Variants in SERINC1 observed in about 807,000 individuals in gnomAD.
SERINC1 encodes the protein tumor differentially expressed protein 2.
A neutral mutation model predicts 52.9 loss-of-function variants in SERINC1; 38 were observed. The ratio of observed to expected loss-of-function variants is 0.72; its 90% confidence interval spans 0.55 to 0.94. The LOEUF (loss-of-function observed/expected upper bound fraction) is 0.94, where lower values mean the gene tolerates loss of function less well. Among genes scored for constraint, SERINC1 ranks in the 40% least tolerant of loss-of-function variants. SERINC1 has a pLI of 0.00. For synonymous variants in SERINC1, 198 were observed against 183.1 expected, an observed-to-expected ratio of 1.08 and a Z score of -0.66; for missense variants, 471 against 533.9, an observed-to-expected ratio of 0.88 and a Z score of 1.16.
chr6:122,449,439 G>A (rs142401027), intron 7 of SERINC1, among the ~76,000 whole-genome samples: 14 of 152,322 alleles, frequency 9.2e-5, no homozygotes, highest in Non-Finnish European at 1.5e-4. Flanking sequence ...TTGCTGATAT[G>A]GAGGAGAAAG....
intron 1 of SERINC1, among the ~76,000 whole-genome samples, chr6:122,463,916 T>C (rs1473801177): frequency 2.0e-5 from 3 of 152,228 alleles, no homozygotes; most frequent in Non-Finnish European, 4.4e-5. Flanking sequence ...ATAGCTACTT[T>C]ATTTGTAATC....
intron 1 of SERINC1, among the ~76,000 whole-genome samples, chr6:122,462,458 T>C (rs1454680840): frequency 1.3e-5 from 2 of 151,990 alleles, no homozygotes; most frequent in Non-Finnish European, 2.9e-5. Flanking sequence ...ACTGTCTATA[T>C]AGAAAATCCC....
At chr6:122,455,611 C>A (rs570750974) in intron 3 of SERINC1, among the ~76,000 whole-genome samples, 1 of 152,190 alleles carries the variant, frequency 6.6e-6, no homozygotes, top group South Asian at 2.1e-4. Flanking sequence ...TTATATATAT[C>A]TATCTATCCT....
intron 8 of SERINC1, 35 bp from the exon 9 acceptor site, chr6:122,447,039 A>G (rs1362291161): frequency 2.5e-6 from 4 of 1,581,820 alleles, no homozygotes; most frequent in Non-Finnish European, 3.5e-6. Context: ...AGAGAAAAAA[A>G]AGAACATTTT....
intron 1 of SERINC1, among the ~76,000 whole-genome samples, chr6:122,471,188 T>G (rs1775287342): frequency 6.6e-6 from 1 of 151,480 alleles, no homozygotes; most frequent in African/African-American, 2.4e-5. Context: ...TGCCAGGCGG[T>G]TCCAAATGAC....
At chr6:122,453,724 CTTCAAAG>C in intron 5 of SERINC1, 39 bp downstream of exon 5, 1 of 1,508,214 alleles carries the variant, frequency 6.6e-7, no homozygotes, top group Non-Finnish European at 9.0e-7. Context: ...CTATTCTCGA[CTTCAAAG>C]TTCAACTATA....
chr6:122,459,261 A>T (rs1402817052), intron 1 of SERINC1, among the ~76,000 whole-genome samples: 1 of 152,198 alleles, frequency 6.6e-6, no homozygotes, highest in Non-Finnish European at 1.5e-5. Context: ...TATGCCCCCA[A>T]GGGAACAGAA....
At chr6:122,449,137 G>A (rs1004827692) in intron 7 of SERINC1, among the ~76,000 whole-genome samples, 1 of 151,806 alleles carries the variant, frequency 6.6e-6, no homozygotes, top group Non-Finnish European at 1.5e-5. Flanking sequence ...CCTCTCCTTG[G>A]GCCTATTTCA....
intron 1 of SERINC1, 33 bp downstream of exon 1, chr6:122,471,666 C>G (rs1412904600): frequency 3.1e-6 from 5 of 1,613,976 alleles, no homozygotes; most frequent in African/African-American, 1.3e-5. Context: ...GTCTCTCACA[C>G]TAGCACCCCA....
chr6:122,454,761 T>C (rs1774969056), intron 3 of SERINC1: 1 of 152,556 alleles, frequency 6.6e-6, no homozygotes, highest in South Asian at 2.1e-4. Flanking sequence ...CACGACCTGC[T>C]GAGTTGCTTG....
intron 1 of SERINC1, among the ~76,000 whole-genome samples, chr6:122,469,989 CAATT>C (rs1399374659): frequency 6.6e-6 from 1 of 152,134 alleles, no homozygotes; most frequent in African/African-American, 2.4e-5. Flanking sequence ...TAAAATCAAA[CAATT>C]AATGAATAGA....
intron 1 of SERINC1, among the ~76,000 whole-genome samples, chr6:122,466,547 A>G (rs1391366191): frequency 6.6e-6 from 1 of 152,128 alleles, no homozygotes; most frequent in African/African-American, 2.4e-5. Context: ...GTGTTTTGCC[A>G]TGTTGCCAAG....
intron 1 of SERINC1, among the ~76,000 whole-genome samples, chr6:122,466,625 G>A (rs1430621486): frequency 1.3e-5 from 2 of 152,072 alleles, no homozygotes; most frequent in Admixed American, 6.6e-5. Flanking sequence ...TGAGCACACT[G>A]CCCCTATAGC....
rs190391945 is a variant in SERINC1, at chr6:122,444,981, G to A, written c.*63C>T. 9,278 of 1,524,000 alleles carry A rather than the reference G, an allele frequency of 6.1e-3. 41 individuals carry two copies. The highest frequency in any genetic ancestry group is 7.4e-3 in the Non-Finnish European group (8,311 of 1,117,186). The allele number at this position is 1,524,000 out of a possible 1,614,324, so 94.4% of individuals were successfully genotyped here. ...CAAAAACATACACAACTTTACAAAA[G>A]TTGGGAATACTGTTTTCAAATAAGC... On this transcript the variant is annotated 3_prime_UTR_variant, in exon 10 of 10. Coordinates refer to ENST00000339697, the MANE Select transcript of SERINC1 (RefSeq NM_020755.4).
chr6:122,454,472 A>G (rs1426107116), intron 3 of SERINC1: 3 of 408,770 alleles, frequency 7.3e-6, no homozygotes, highest in Non-Finnish European at 1.3e-5. Flanking sequence ...ACCCAAGCTT[A>G]TATTATAGAT....
At chr6:122,458,735 T>C (rs1011051218) in intron 1 of SERINC1, 54 bp from the exon 2 acceptor site, 93 of 1,206,762 alleles carry the variant, frequency 7.7e-5, no homozygotes, top group Non-Finnish European at 1.0e-4. Flanking sequence ...AATCACTATA[T>C]CTTAAAATGA....
intron 1 of SERINC1, among the ~76,000 whole-genome samples, chr6:122,460,007 A>T (rs374185224): frequency 3.3e-5 from 5 of 152,202 alleles, no homozygotes; most frequent in African/African-American, 1.2e-4. Flanking sequence ...AACAACAGGC[A>T]ATGTAAAGCC....
intron 1 of SERINC1, among the ~76,000 whole-genome samples, chr6:122,461,683 C>G: frequency 6.6e-6 from 1 of 151,704 alleles, no homozygotes; most frequent in East Asian, 1.9e-4. Flanking sequence ...ATTTTATACT[C>G]AGTGAAAATA....
intron 7 of SERINC1, among the ~76,000 whole-genome samples, chr6:122,448,745 C>T (rs1774852787): frequency 6.6e-6 from 1 of 151,382 alleles, no homozygotes; most frequent in Non-Finnish European, 1.5e-5. Context: ...TAATTTCACC[C>T]AGTTTCTTAC....
Sources: gnomAD v4.1 joint callset for allele counts (sites outside exome capture counted in the v4.1 genomes callset) on GRCh38, gnomAD v4.1.1 for gene constraint, MANE v1.5 for transcripts, NCBI Gene and HGNC (gene_info 2026-07-23, HGNC 2026-07-21) for gene names.